The following PRMT3 variants were observed in gnomAD, a reference collection of about 807,000 sequenced individuals.
PRMT3 encodes protein arginine N-methyltransferase 3.
PRMT3 carries 62 observed loss-of-function variants against 71.9 expected under a neutral mutation model. That is an observed-to-expected ratio of 0.86 (90% CI 0.70 to 1.07). PRMT3 has a LOEUF of 1.07. PRMT3 is among the 50% of genes least tolerant of loss of function. PRMT3 has a pLI of 0.00. For missense variants in PRMT3, 663 were observed against 643.0 expected (o/e 1.03, Z -0.34); for synonymous variants, 213 against 220.4 (o/e 0.97, Z 0.30).
chr11:20,487,395 T>G (rs1851100424), intron 13 of PRMT3, among the ~76,000 whole-genome samples: 1 of 152,148 alleles, frequency 6.6e-6, no homozygotes, highest in African/African-American at 2.4e-5. Context: ...TCATCTGCAG[T>G]AATGTAGATG....
chr11:20,434,568 T>G (rs1383903771), intron 10 of PRMT3, among the ~76,000 whole-genome samples: 1 of 152,236 alleles, frequency 6.6e-6, no homozygotes, highest in Non-Finnish European at 1.5e-5. Flanking sequence ...AATTTCAGTC[T>G]TCTGCATATA....
At chr11:20,395,657 T>A in intron 5 of PRMT3, 146 bp from the exon 6 acceptor site, 1 of 785,978 alleles carries the variant, frequency 1.3e-6, no homozygotes, top group Non-Finnish European at 1.9e-6. Flanking sequence ...AAAGCCAAGA[T>A]GATTAATATT....
chr11:20,397,769 G>A, intron 7 of PRMT3, 48 bp downstream of exon 7: 1 of 1,591,240 alleles, frequency 6.3e-7, no homozygotes, highest in Admixed American at 1.8e-5. Context: ...AGGAAAAATA[G>A]AACAGGTTCT....
At chr11:20,450,972 T>C (rs1016784362) in intron 10 of PRMT3, among the ~76,000 whole-genome samples, 1 of 152,158 alleles carries the variant, frequency 6.6e-6, no homozygotes, top group Non-Finnish European at 1.5e-5. Flanking sequence ...AGCAATAAGA[T>C]GTACTATGTG....
chr11:20,480,319 A>G (rs571728531), intron 13 of PRMT3, among the ~76,000 whole-genome samples: 2 of 152,274 alleles, frequency 1.3e-5, no homozygotes, highest in African/African-American at 4.8e-5. Context: ...TGTGTGTTCT[A>G]TGTAAAACCA....
At chr11:20,401,387 T>G (rs1848945230) in intron 7 of PRMT3, among the ~76,000 whole-genome samples, 1 of 152,184 alleles carries the variant, frequency 6.6e-6, no homozygotes. Flanking sequence ...ATATATACAT[T>G]TATTCATCTT....
At chr11:20,503,512 C>G (rs771119782) in intron 15 of PRMT3, among the ~76,000 whole-genome samples, 1 of 152,114 alleles carries the variant, frequency 6.6e-6, no homozygotes, top group Non-Finnish European at 1.5e-5. Context: ...TGGTCAGTCC[C>G]CAACCGTGAT....
chr11:20,488,916 G>A lies in PRMT3; in HGVS notation c.1348-5003G>A, dbSNP rs77326338. Among the ~76,000 whole-genome samples, 968 of 152,162 alleles carry A rather than the reference G, an allele frequency of 6.4e-3. 8 individuals carry two copies. The highest frequency in any genetic ancestry group is 0.023 in the African/African-American group (942 of 41,518). On this transcript the variant is annotated intron_variant, in intron 13 of 15. Coordinates refer to ENST00000331079, the MANE Select transcript of PRMT3 (RefSeq NM_005788.4). ...TTTTTTCATGATTCAGTTTACAAAT[G>A]CCATGAGTTTTCTTTTTGTGAAATC...
intron 13 of PRMT3, among the ~76,000 whole-genome samples, chr11:20,476,808 C>T (rs1565229858): frequency 6.6e-6 from 1 of 151,984 alleles, no homozygotes; most frequent in East Asian, 1.9e-4. Flanking sequence ...AATTCCTTGA[C>T]ATTTATAATC....
intron 11 of PRMT3, among the ~76,000 whole-genome samples, chr11:20,455,124 A>G (rs1389734148): frequency 2.0e-5 from 3 of 152,282 alleles, no homozygotes; most frequent in Admixed American, 2.0e-4. Flanking sequence ...GAGGAAAAAT[A>G]GGAAAATATT....
intron 15 of PRMT3, among the ~76,000 whole-genome samples, chr11:20,497,991 A>G (rs1163099748): frequency 6.6e-6 from 1 of 152,236 alleles, no homozygotes; most frequent in African/African-American, 2.4e-5. Flanking sequence ...AAAAAATGTT[A>G]TAACTATGCT....
chr11:20,439,552 A>G (rs1849839195), intron 10 of PRMT3, among the ~76,000 whole-genome samples: 1 of 152,206 alleles, frequency 6.6e-6, no homozygotes, highest in Admixed American at 6.5e-5. Flanking sequence ...GCCCTTGCTG[A>G]TATCACTCTC....
At chr11:20,403,962 C>T (rs1357641318) in intron 8 of PRMT3, among the ~76,000 whole-genome samples, 1 of 151,282 alleles carries the variant, frequency 6.6e-6, no homozygotes, top group East Asian at 1.9e-4. Flanking sequence ...TTTCATTTTC[C>T]ATACCTCTTT....
rs773777719 is a variant in PRMT3 at position 20,387,821 on chromosome 11, G to A, written c.28+47G>A. ...CACCCGGCTCGTCCAGCCCCAGGCC[G>A]CGCCGCTGTGGGGCCGGTGGAAGAC... On this transcript the variant is annotated intron_variant, in intron 1 of 15. Transcript: ENST00000331079. The surrounding 1 kb of genome is among the most constrained non-coding windows in gnomAD (Gnocchi z 4.3). 6.5e-7 allele frequency: 1 copy of A among 1,539,492 alleles called. No homozygotes were observed. Among genetic ancestry groups the A allele is most frequent in the African/African-American group, 1.4e-5 (1 of 72,944 alleles).
chr11:20,470,874 TC>T (rs1462591959), intron 13 of PRMT3, among the ~76,000 whole-genome samples: 4 of 152,188 alleles, frequency 2.6e-5, no homozygotes, highest in Admixed American at 2.6e-4. Context: ...TAAACAGCGT[TC>T]CTCCTTCTCC....
chr11:20,496,295 ATAGTCCCTGC>A (rs1186446540), intron 15 of PRMT3, among the ~76,000 whole-genome samples: 1 of 152,000 alleles, frequency 6.6e-6, no homozygotes, highest in Non-Finnish European at 1.5e-5. Context: ...GCGCACACCT[ATAGTCCCTGC>A]TACTTAGGAG....
At chr11:20,452,279 A>C in intron 11 of PRMT3, 71 bp downstream of exon 11, 1 of 1,233,772 alleles carries the variant, frequency 8.1e-7, no homozygotes, top group South Asian at 1.2e-5. Flanking sequence ...TTGGATTTCA[A>C]ATAAACTATG....
chr11:20,492,932 C>T (rs1851242956), intron 13 of PRMT3, among the ~76,000 whole-genome samples: 1 of 152,126 alleles, frequency 6.6e-6, no homozygotes, highest in East Asian at 1.9e-4. Context: ...TGGCGCACGC[C>T]TGTAGTCCCA....
chr11:20,479,297 T>TGCTA (rs1039577186), intron 13 of PRMT3, among the ~76,000 whole-genome samples: 1 of 152,190 alleles, frequency 6.6e-6, no homozygotes, highest in Non-Finnish European at 1.5e-5. Context: ...TAGTAGCATA[T>TGCTA]GCTAGGAGCT....
Sources: allele counts gnomAD v4.1 joint callset (sites outside exome capture counted in the v4.1 genomes callset), GRCh38; gene constraint gnomAD v4.1.1; non-coding constraint Gnocchi (gnomAD v3.1); transcripts MANE v1.5; gene names NCBI Gene and HGNC (gene_info 2026-07-23, HGNC 2026-07-21).